Variants in LAPTM4B observed in about 807,000 individuals in gnomAD.
LAPTM4B encodes the protein lysosomal protein transmembrane 4 beta.
A neutral mutation model predicts 28.5 loss-of-function variants in LAPTM4B; 26 were observed. The ratio of observed to expected loss-of-function variants is 0.91; its 90% CI spans 0.67 to 1.27. LAPTM4B has a LOEUF of 1.27. Ranked by LOEUF, LAPTM4B falls within the 50% of genes most tolerant of loss-of-function variation. The pLI, the probability that LAPTM4B is intolerant of heterozygous loss-of-function variation, is 0.00. For synonymous variants in LAPTM4B, 109 were observed against 106.4 expected (o/e 1.02, Z -0.15); for missense variants, 288 against 285.8 (o/e 1.01, Z -0.06).
intron 6 of LAPTM4B, among the ~76,000 whole-genome samples, chr8:97,850,474 G>A (rs77335715): frequency 6.8e-6 from 1 of 146,266 alleles, no homozygotes; most frequent in African/African-American, 2.6e-5. Context: ...GGGTGTGTGT[G>A]TGTGTGTGTG....
chr8:97,827,838 T>C (rs1586339657), intron 6 of LAPTM4B, among the ~76,000 whole-genome samples: 1 of 151,954 alleles, frequency 6.6e-6, no homozygotes. Context: ...AAGTTACAGT[T>C]AGGGGCCGTT....
chr8:97,781,775 T>G (rs530612996), intron 1 of LAPTM4B, among the ~76,000 whole-genome samples: 16 of 152,354 alleles, frequency 1.1e-4, no homozygotes, highest in Non-Finnish European at 1.9e-4. Flanking sequence ...CCCTTCTGTA[T>G]CTAGCTTCTT....
chr8:97,816,740 C>A (rs1816922538), intron 4 of LAPTM4B, among the ~76,000 whole-genome samples: 1 of 152,038 alleles, frequency 6.6e-6, no homozygotes, highest in Non-Finnish European at 1.5e-5. Flanking sequence ...TAGCTTTTTG[C>A]CTTTGCTAGT....
At position 97,793,159 on chromosome 8, in the gene LAPTM4B, A is replaced by G. The variant is rs1219916636; in HGVS notation, c.100-12194A>G. ...GCTGCCTTGAGGGCTTTGCCATAATATATATGTGATGCTTAGCATTGTGCC... is the reference window on the plus strand; with the variant it reads ...GCTGCCTTGAGGGCTTTGCCATAATGTATATGTGATGCTTAGCATTGTGCC... On this transcript the variant is annotated intron_variant, in intron 1 of 6. Transcript: ENST00000521545. Among the ~76,000 whole-genome samples the G allele has an allele frequency of 3.3e-5, 5 of 152,302 alleles. 1 individual carries two copies. The highest frequency in any genetic ancestry group is 4.4e-5 in the Non-Finnish European group (3 of 68,020).
At chr8:97,847,788 T>C (rs1817454009) in intron 6 of LAPTM4B, among the ~76,000 whole-genome samples, 1 of 152,190 alleles carries the variant, frequency 6.6e-6, no homozygotes, top group Non-Finnish European at 1.5e-5. Flanking sequence ...CCTTTGAAAG[T>C]AGTCCAAAGG....
chr8:97,804,792 A>ACTGGCCTGGC (rs370311995), intron 1 of LAPTM4B, among the ~76,000 whole-genome samples: 6,019 of 152,010 alleles, frequency 0.04, 163 homozygotes, highest in Admixed American at 0.077. Context: ...AGACAGGACT[A>ACTGGCCTGGC]CTGGCCTGGC....
chr8:97,843,438 C>T (rs1817381904), intron 6 of LAPTM4B, among the ~76,000 whole-genome samples: 1 of 152,058 alleles, frequency 6.6e-6, no homozygotes, highest in Non-Finnish European at 1.5e-5. Flanking sequence ...AACACAACAA[C>T]AAAAACCCAA....
intron 2 of LAPTM4B, among the ~76,000 whole-genome samples, chr8:97,810,769 G>C (rs1051044031): frequency 4.6e-5 from 7 of 152,150 alleles, no homozygotes; most frequent in Admixed American, 4.6e-4. Flanking sequence ...TAATTTTGTG[G>C]TAGATTTGTC....
Position 97,851,407 on chromosome 8 carries a change from C to T in LAPTM4B, c.614C>T (p.Pro205Leu). 3 of 1,613,942 alleles carry T rather than the reference C, an allele frequency of 1.9e-6. No individual in the cohort carries two copies. Among genetic ancestry groups the T allele is most frequent in the Non-Finnish European group, 2.5e-6 (3 of 1,179,844 alleles). ...VTSNDTTVLL[P>L]PYDDATVNGA... ...CCTCTTTCTTCTCAGGTGCTGCTAC[C>T]CCCGTATGATGATGCCACTGTGAAT... The change falls in exon 7 of 7, where the codon CCC becomes CTC. Residue 205 changes from proline (P) to leucine (L), a missense_variant. Pro to Leu is a moderately conservative substitution (Grantham distance 98). Transcript: ENST00000521545.
At chr8:97,819,727 C>CTTTTTTTTTTTTTTTTTTTTT (rs532220760) in intron 5 of LAPTM4B, among the ~76,000 whole-genome samples, 1 of 78,580 alleles carries the variant, frequency 1.3e-5, no homozygotes, top group African/African-American at 5.2e-5. Context: ...GATAAATTTC[C>CTTTTTTTTTTTTTTTTTTTTT]TTTTTTTTTT....
chr8:97,800,582 C>T (rs1012955111), intron 1 of LAPTM4B, among the ~76,000 whole-genome samples: 46 of 150,132 alleles, frequency 3.1e-4, no homozygotes, highest in African/African-American at 1.1e-3. Flanking sequence ...CGGTAACCTC[C>T]GCCTCCCGGG....
intron 5 of LAPTM4B, among the ~76,000 whole-genome samples, chr8:97,819,610 A>G (rs1444406844): frequency 7.4e-6 from 1 of 135,162 alleles, no homozygotes; most frequent in African/African-American, 2.5e-5. Context: ...GAATATCATT[A>G]TTTAATAAAT....
intron 1 of LAPTM4B, among the ~76,000 whole-genome samples, chr8:97,787,287 CTT>C (rs777122592): frequency 1.7e-4 from 22 of 129,516 alleles, no homozygotes; most frequent in Non-Finnish European, 1.6e-4. Context: ...ATGTTTCTTT[CTT>C]TTTTTTTTTT....
At chr8:97,806,410 G>A (rs1029936061) in intron 2 of LAPTM4B, among the ~76,000 whole-genome samples, 35 of 152,260 alleles carry the variant, frequency 2.3e-4, no homozygotes, top group African/African-American at 7.9e-4. Flanking sequence ...CGAAGGAGAC[G>A]GAGGAATCAA....
At chr8:97,850,675 C>T (rs1359237562) in intron 6 of LAPTM4B, among the ~76,000 whole-genome samples, 1 of 149,618 alleles carries the variant, frequency 6.7e-6, no homozygotes, top group African/African-American at 2.5e-5. Context: ...TTCCACAAAT[C>T]ACTTGAGGTG....
chr8:97,841,637 A>G (rs1817351420), intron 6 of LAPTM4B, among the ~76,000 whole-genome samples: 1 of 152,218 alleles, frequency 6.6e-6, no homozygotes, highest in African/African-American at 2.4e-5. Flanking sequence ...TATCTTAAAG[A>G]TAAGCCCAGA....
chr8:97,818,870 GAAAA>G (rs58053654), intron 4 of LAPTM4B, among the ~76,000 whole-genome samples: 1 of 117,966 alleles, frequency 8.5e-6, no homozygotes, highest in Non-Finnish European at 1.8e-5. Context: ...TCTCAAAAAA[GAAAA>G]AAAAAAAAAA....
chr8:97,828,459 T>A (rs942313617), intron 6 of LAPTM4B, among the ~76,000 whole-genome samples: 1 of 152,014 alleles, frequency 6.6e-6, no homozygotes. Context: ...GAAGGATGAG[T>A]GCTAAAGGGC....
chr8:97,838,642 CTG>C (rs1424262719), intron 6 of LAPTM4B, among the ~76,000 whole-genome samples: 1 of 152,220 alleles, frequency 6.6e-6, no homozygotes, highest in Non-Finnish European at 1.5e-5. Flanking sequence ...CTCCTCCTAA[CTG>C]TTGTCCAGTT....
Sources: allele counts gnomAD v4.1 joint callset (sites outside exome capture counted in the v4.1 genomes callset), GRCh38; gene constraint gnomAD v4.1.1; transcripts MANE v1.5; gene names NCBI Gene and HGNC (gene_info 2026-07-23, HGNC 2026-07-21).